Variants in CSPP1 observed in about 807,000 individuals in gnomAD.
The protein encoded by CSPP1 is centrosome and spindle pole associated protein 1, also known as centrosome and spindle pole-associated protein 1.
In CSPP1, 126 loss-of-function variants were observed where a neutral mutation model predicts 164.4. The observed-to-expected ratio is 0.77, with a 90% CI of 0.66 to 0.89. The LOEUF is 0.89. Among genes scored for constraint, CSPP1 ranks in the 40% least tolerant of loss-of-function variants. The pLI, the probability that CSPP1 is intolerant of heterozygous loss-of-function variation, is 0.00. For synonymous variants in CSPP1, 472 were observed against 476.7 expected, an observed-to-expected ratio of 0.99 and a Z score of 0.13; for missense variants, 1,395 against 1,449.8, an observed-to-expected ratio of 0.96 and a Z score of 0.61.
chr8:67,136,309 C>G (rs1205027694), intron 16 of CSPP1, among the ~76,000 whole-genome samples: 1 of 152,002 alleles, frequency 6.6e-6, no homozygotes, highest in South Asian at 2.1e-4. Context: ...TGGTGGCTCA[C>G]GCCTGTAATC....
chr8:67,112,241 T>A (rs1817006156), intron 10 of CSPP1, among the ~76,000 whole-genome samples, 176 bp downstream of exon 10: 1 of 151,816 alleles, frequency 6.6e-6, no homozygotes, highest in African/African-American at 2.4e-5. Context: ...AGAGTTTTTT[T>A]TTTTTTTTTT....
chr8:67,101,574 A>C (rs1814124549), intron 7 of CSPP1, among the ~76,000 whole-genome samples: 2 of 152,340 alleles, frequency 1.3e-5, no homozygotes, highest in South Asian at 4.1e-4. Flanking sequence ...TGTCATTCAC[A>C]CATCAGAATG....
chr8:67,100,872 T>G (rs1402235790), intron 7 of CSPP1, among the ~76,000 whole-genome samples: 1 of 152,002 alleles, frequency 6.6e-6, no homozygotes, highest in Non-Finnish European at 1.5e-5. Context: ...CCAGTGAATT[T>G]ACTTTTTGTG....
chr8:67,149,197 A>T (rs1221936021), intron 17 of CSPP1, among the ~76,000 whole-genome samples: 1 of 152,178 alleles, frequency 6.6e-6, no homozygotes, highest in Non-Finnish European at 1.5e-5. Context: ...CTTCAGAGTG[A>T]ATGATCCATA....
chr8:67,067,205 C>G (rs1484047418), intron 1 of CSPP1, among the ~76,000 whole-genome samples: 2 of 152,202 alleles, frequency 1.3e-5, no homozygotes, highest in Non-Finnish European at 2.9e-5. Flanking sequence ...ATTTTCCCAT[C>G]TTTTTGTGAC....
Position 67,132,094 on chromosome 8 carries a change from T to G in CSPP1, c.1827+14T>G. 1.2e-6 allele frequency: 2 copies of G among 1,609,896 alleles called. No homozygotes were observed. Among genetic ancestry groups the G allele is most frequent in the East Asian group, 4.5e-5 (2 of 44,732 alleles). On this transcript the variant is annotated intron_variant, in intron 16 of 30. Transcript: ENST00000678616. ...TTGCAGCAGCAGGTATTGATTCATTTACTCATTTACTGTTGAACCTCTTAA... is the reference window on the plus strand; with the variant it reads ...TTGCAGCAGCAGGTATTGATTCATTGACTCATTTACTGTTGAACCTCTTAA...
intron 1 of CSPP1, 41 bp downstream of exon 1, chr8:67,064,579 G>A: frequency 2.6e-6 from 4 of 1,529,048 alleles, no homozygotes; most frequent in Non-Finnish European, 3.5e-6. Context: ...GGAGGGTCCT[G>A]GGGCTGCATT....
At chr8:67,074,377 A>T (rs561709928) in intron 2 of CSPP1, 26 bp downstream of exon 2, 27 of 1,379,864 alleles carry the variant, frequency 2.0e-5, no homozygotes, top group African/African-American at 2.9e-5. Context: ...TTCTTTGAAC[A>T]TGTTTTATTA....
chr8:67,149,029 G>C (rs1407460142), intron 17 of CSPP1, among the ~76,000 whole-genome samples: 1 of 152,170 alleles, frequency 6.6e-6, no homozygotes, highest in Non-Finnish European at 1.5e-5. Flanking sequence ...TGGAGTCCAA[G>C]ATGTTGACCA....
Position 67,172,974 on chromosome 8 carries a change from G to A in CSPP1, c.2968+419G>A, listed in dbSNP as rs74510954. 7.1e-5 allele frequency: 11 copies of A among 154,308 alleles called. No homozygotes were observed. The East Asian group carries it at 2.1e-3, about 29-fold the overall frequency. The allele number at this position is 154,308 out of a possible 1,614,324, so 9.6% of individuals were successfully genotyped here. On this transcript the variant is annotated intron_variant, in intron 25 of 30. Transcript: ENST00000678616. ...TATCAAGGAGACAGGATCATGTAAG[G>A]TGAATACCGGAAAATGTCAGTTGGA...
intron 17 of CSPP1, among the ~76,000 whole-genome samples, chr8:67,139,340 A>G (rs1011454171): frequency 6.6e-6 from 1 of 152,026 alleles, no homozygotes. Flanking sequence ...AAGTCAGGAA[A>G]CAACAGGTGC....
chr8:67,115,226 A>C (rs959396981), intron 12 of CSPP1: 1 of 152,274 alleles, frequency 6.6e-6, no homozygotes, highest in Admixed American at 6.5e-5. Flanking sequence ...CAATTAGAGA[A>C]GTAGCACGGT....
intron 6 of CSPP1, among the ~76,000 whole-genome samples, chr8:67,094,270 TC>T (rs1366403392): frequency 1.2e-4 from 17 of 145,690 alleles, no homozygotes; most frequent in African/African-American, 2.8e-4. Flanking sequence ...GTTTATCCTC[TC>T]TTTTTTTTTT....
chr8:67,115,139 C>G (rs1261688442), intron 12 of CSPP1: 1 of 152,246 alleles, frequency 6.6e-6, no homozygotes. Context: ...TCTTGCAAAT[C>G]TTAATCTATT....
At chr8:67,161,518 A>T (rs1166214598) in intron 21 of CSPP1, among the ~76,000 whole-genome samples, 1 of 151,812 alleles carries the variant, frequency 6.6e-6, no homozygotes, top group Non-Finnish European at 1.5e-5. Flanking sequence ...TAGTTTTGTT[A>T]TATTTTTTCT....
At chr8:67,165,191 G>T (rs1468625188) in intron 24 of CSPP1, among the ~76,000 whole-genome samples, 1 of 152,110 alleles carries the variant, frequency 6.6e-6, no homozygotes. Flanking sequence ...GGCTGAGGCA[G>T]GAGAATGGCG....
Position 67,072,771 on chromosome 8 carries a change from G to A in CSPP1, c.-10-1472G>A, listed in dbSNP as rs1807078588. Among the ~76,000 whole-genome samples the A allele has an allele frequency of 4.6e-5, 7 of 151,536 alleles. No individual in the cohort carries two copies. In the South Asian group the frequency reaches 1.5e-3, roughly 32 times the overall value. On this transcript the variant is annotated intron_variant, in intron 1 of 30. Transcript: ENST00000678616. Reference sequence around the variant, plus strand: ...AGTCCTAGCTGTTCAGGAGGCTGAGGTGGGAGGATTGCTTGAGCCCAGGAG... The same window carrying A: ...AGTCCTAGCTGTTCAGGAGGCTGAGATGGGAGGATTGCTTGAGCCCAGGAG...
chr8:67,149,683 A>G, intron 17 of CSPP1, 100 bp from the exon 18 acceptor site: 2 of 772,492 alleles, frequency 2.6e-6, no homozygotes, highest in Non-Finnish European at 3.9e-6. Context: ...ACTTTGTCCT[A>G]TTGTTTTTCT....
chr8:67,133,975 T>C (rs1821749914), intron 16 of CSPP1: 1 of 152,244 alleles, frequency 6.6e-6, no homozygotes, highest in African/African-American at 2.4e-5. Flanking sequence ...AAGTCTTCCA[T>C]GCCTCACTTC....
Sources: allele counts gnomAD v4.1 joint callset (sites outside exome capture counted in the v4.1 genomes callset), GRCh38; gene constraint gnomAD v4.1.1; transcripts MANE v1.5; gene names NCBI Gene and HGNC (gene_info 2026-07-23, HGNC 2026-07-21).